Variants in UNC13B observed in about 807,000 individuals in gnomAD.
The protein encoded by UNC13B is protein unc-13 homolog B.
UNC13B carries 144 observed loss-of-function variants against 211.0 expected under a neutral mutation model. The ratio of observed to expected loss-of-function variants is 0.68; its 90% CI spans 0.60 to 0.78. UNC13B has a LOEUF of 0.78. Among genes scored for constraint, UNC13B ranks in the 30% least tolerant of loss-of-function variants. The pLI is 0.00. For synonymous variants in UNC13B, 709 were observed against 725.8 expected, an observed-to-expected ratio of 0.98 and a Z score of 0.37; for missense variants, 1,777 against 2,002.0, an observed-to-expected ratio of 0.89 and a Z score of 2.14.
In UNC13B at chr9:35,310,454, G is replaced by A. The variant is rs759876858; in HGVS notation, c.9009-13G>A. On this transcript the variant is annotated splice_polypyrimidine_tract_variant and intron_variant, in intron 9 of 39. Transcript: ENST00000635942. Reference sequence around the variant, plus strand: ...CATTTATTTACTTATCTGTCTTTCTGTCATTCTCACAGCCCCACCAGCAGC... The same window carrying A: ...CATTTATTTACTTATCTGTCTTTCTATCATTCTCACAGCCCCACCAGCAGC... 6.2e-7 allele frequency: 1 copy of A among 1,610,544 alleles called. No homozygotes were observed. Among genetic ancestry groups the A allele is most frequent in the Non-Finnish European group, 8.5e-7 (1 of 1,177,376 alleles).
chr9:35,182,997 T>C (rs1273931520), intron 1 of UNC13B, among the ~76,000 whole-genome samples: 1 of 152,170 alleles, frequency 6.6e-6, no homozygotes, highest in Non-Finnish European at 1.5e-5. Flanking sequence ...TTCAGAGCTG[T>C]TGGGTACACT....
intron 1 of UNC13B, among the ~76,000 whole-genome samples, chr9:35,205,587 T>C (rs1275015411): frequency 2.6e-5 from 4 of 152,230 alleles, no homozygotes; most frequent in African/African-American, 7.2e-5. Context: ...AAACCACGAA[T>C]CTACTTTCTG....
intron 6 of UNC13B, among the ~76,000 whole-genome samples, chr9:35,248,223 T>C (rs913929920): frequency 6.6e-6 from 1 of 152,242 alleles, no homozygotes; most frequent in South Asian, 2.1e-4. Flanking sequence ...TTTTTTACTG[T>C]GTCTATTTGA....
intron 1 of UNC13B, among the ~76,000 whole-genome samples, chr9:35,206,767 G>A (rs1823670217): frequency 6.6e-6 from 1 of 151,786 alleles, no homozygotes; most frequent in Non-Finnish European, 1.5e-5. Flanking sequence ...CCAGCTACTC[G>A]GGAGGCTGAA....
intron 1 of UNC13B, among the ~76,000 whole-genome samples, chr9:35,224,542 A>G (rs1824731466): frequency 6.6e-6 from 1 of 152,170 alleles, no homozygotes; most frequent in African/African-American, 2.4e-5. Flanking sequence ...TGGAGTCTTT[A>G]GGTTTTTCTA....
At chr9:35,235,764 C>T (rs1329891555) in intron 3 of UNC13B, among the ~76,000 whole-genome samples, 1 of 152,156 alleles carries the variant, frequency 6.6e-6, no homozygotes. Context: ...CTTACCTTTC[C>T]TAAAAGTTTC....
In UNC13B at chr9:35,228,123, A is replaced by G. The variant is rs536527288; in HGVS notation, c.52+79A>G. ...AGCAATTTAAAAAAATTATTAATTC[A>G]TTGATCAAATTCAGTAATTTGATTC... On this transcript the variant is annotated intron_variant, in intron 2 of 39. Coordinates refer to ENST00000635942, the MANE Select transcript of UNC13B (RefSeq NM_001371189.2). The G allele has an allele frequency of 8.3e-5, 104 of 1,256,910 alleles. 1 individual carries two copies. In the African/African-American group the frequency reaches 1.1e-3, roughly 14 times the overall value. 77.9% of individuals were successfully genotyped at this position (1,256,910 alleles called of 1,614,324 possible).
At chr9:35,261,561 C>T (rs560235036) in intron 7 of UNC13B, among the ~76,000 whole-genome samples, 13 of 152,050 alleles carry the variant, frequency 8.5e-5, no homozygotes, top group African/African-American at 3.1e-4. Context: ...GTAATAATCA[C>T]ATCAAGGTAA....
intron 6 of UNC13B, among the ~76,000 whole-genome samples, chr9:35,249,758 C>T (rs1826345252): frequency 6.6e-6 from 1 of 152,168 alleles, no homozygotes; most frequent in Non-Finnish European, 1.5e-5. Context: ...TTGTGGGTAA[C>T]CCGACCTTTC....
chr9:35,231,041 G>A (rs1825171230), intron 2 of UNC13B, 79 bp from the exon 3 acceptor site: 2 of 908,488 alleles, frequency 2.2e-6, no homozygotes, highest in African/African-American at 1.7e-5. Context: ...TTTCTATATT[G>A]CTTAATTCCA....
At chr9:35,391,436 G>C (rs57638390) in intron 26 of UNC13B, among the ~76,000 whole-genome samples, 1 of 152,230 alleles carries the variant, frequency 6.6e-6, no homozygotes, top group African/African-American at 2.4e-5. Context: ...GGACAAAGCA[G>C]AGTCTGGATC....
Position 35,399,663 on chromosome 9 carries a change from A to G in UNC13B, c.12270A>G (p.Arg4090=). 6.2e-7 allele frequency: 1 copy of G among 1,614,120 alleles called. No homozygotes were observed. The highest frequency in any genetic ancestry group is 8.5e-7 in the Non-Finnish European group (1 of 1,180,018). ...TCTCTGAACAGGATCACATGGTACG[A>G]GAGGAAACACGGAATCTCACTCCAA... The part of the protein sequence containing the change: ...HLSKLKDHMV[R]EETRNLTPKQ... The change falls in exon 36 of 40, where the codon CGA becomes CGG. Residue 4090 remains arginine, a synonymous_variant. Coordinates refer to ENST00000635942, the MANE Select transcript of UNC13B (RefSeq NM_001371189.2).
intron 7 of UNC13B, among the ~76,000 whole-genome samples, chr9:35,271,219 C>T (rs1299205553): frequency 2.6e-5 from 4 of 151,934 alleles, no homozygotes; most frequent in Non-Finnish European, 5.9e-5. Context: ...CTTACTACCA[C>T]CACATGTTCC....
At chr9:35,201,049 C>T (rs924648305) in intron 1 of UNC13B, among the ~76,000 whole-genome samples, 10 of 152,006 alleles carry the variant, frequency 6.6e-5, no homozygotes, top group Admixed American at 3.3e-4. Flanking sequence ...GCATGACGGG[C>T]TGTTGAATTT....
At position 35,307,567 on chromosome 9, in the gene UNC13B, A is replaced by AG. The variant is rs1265631720; in HGVS notation, c.8166dup (p.His2723AlafsTer19). 1 of 398,968 alleles carries AG rather than the reference A, an allele frequency of 2.5e-6. No individual in the cohort carries two copies. The highest frequency in any genetic ancestry group is 4.4e-6 in the Non-Finnish European group (1 of 226,118). 24.7% of individuals were successfully genotyped at this position (398,968 alleles called of 1,614,324 possible). A position where few individuals can be genotyped will look rare whatever the true frequency, so the allele number is the denominator to read the frequency against. ...GCCAGAGCACCACTCTGGAAACCGA[A>AG]GGGCACTTTTCTCATCCTCTGCTGG... On this transcript the variant is annotated frameshift_variant, in exon 9 of 40. Transcript: ENST00000635942. LOFTEE classifies it high-confidence loss of function.
Position 35,300,415 on chromosome 9 carries a change from G to A in UNC13B, c.1011G>A (p.Leu337=), listed in dbSNP as rs913384363. The change falls in exon 9 of 40, where the codon TTG becomes TTA. Residue 337 remains leucine (L), a synonymous_variant. Transcript: ENST00000635942. The stretch of plus-strand genomic sequence containing the variant: ...AGAGTGGCATGCAGCGCATTAAGTT[G>A]GAAAGTCATGATTATGATCTGTCCA... The part of the protein sequence containing the change: ...VVKSGMQRIK[L]ESHDYDLSSC... 1.5e-5 allele frequency: 6 copies of A among 398,838 alleles called. No homozygotes were observed. The highest frequency in any genetic ancestry group is 6.2e-4 in the Middle Eastern group (1 of 1,610). The allele number at this position is 398,838 out of a possible 1,614,324, so 24.7% of individuals were successfully genotyped here.
chr9:35,340,489 T>A (rs1389325032), intron 11 of UNC13B, among the ~76,000 whole-genome samples: 2 of 152,192 alleles, frequency 1.3e-5, no homozygotes, highest in African/African-American at 2.4e-5. Context: ...AAGGGCTGCC[T>A]GTTCTGCAAT....
At chr9:35,352,971 CAGAG>C in intron 11 of UNC13B, 1 of 1,232,148 alleles carries the variant, frequency 8.1e-7, no homozygotes, top group South Asian at 4.1e-5. Context: ...TTACTGAAGA[CAGAG>C]AGAATAAACG....
At chr9:35,283,095 C>T (rs1173079584) in intron 7 of UNC13B, among the ~76,000 whole-genome samples, 1 of 152,168 alleles carries the variant, frequency 6.6e-6, no homozygotes, top group East Asian at 1.9e-4. Flanking sequence ...CAACTTTATA[C>T]ACTTTTTTTT....
Sources: allele counts gnomAD v4.1 joint callset (sites outside exome capture counted in the v4.1 genomes callset), GRCh38; gene constraint gnomAD v4.1.1; transcripts MANE v1.5; gene names NCBI Gene and HGNC (gene_info 2026-07-23, HGNC 2026-07-21).